CACNA1C: variants seen among roughly 807,000 people sequenced by gnomAD.
CACNA1C encodes the protein voltage-dependent L-type calcium channel subunit alpha-1C.
In CACNA1C, 30 loss-of-function variants were observed where a neutral mutation model predicts 229.0. The observed-to-expected ratio is 0.13, with a 90% CI of 0.10 to 0.18. CACNA1C has a LOEUF of 0.18. Ranked by LOEUF, CACNA1C falls within the 10% of genes least tolerant of loss-of-function variation. The probability of loss-of-function intolerance (pLI) is 1.00; values close to 1 mark genes in which losing one functional copy is unlikely to be tolerated. For synonymous variants in CACNA1C, 1,114 were observed against 1,132.5 expected, an observed-to-expected ratio of 0.98 and a Z score of 0.33; for missense variants, 1,658 against 2,845.0, an observed-to-expected ratio of 0.58 and a Z score of 9.49.
At chr12:2,357,814 T>C (rs1353165402) in intron 3 of CACNA1C, among the ~76,000 whole-genome samples, 6 of 151,374 alleles carry the variant, frequency 4.0e-5, no homozygotes, top group Admixed American at 3.3e-4. Context: ...CTACTAAAAA[T>C]ACAAAAATTA....
At chr12:2,683,004 A>G (rs1350352854) in intron 43 of CACNA1C, among the ~76,000 whole-genome samples, 2 of 149,690 alleles carry the variant, frequency 1.3e-5, no homozygotes, top group Non-Finnish European at 3.0e-5. Context: ...ACACAGTCAT[A>G]AATATATTTT....
At position 2,605,861 on chromosome 12, in the gene CACNA1C, A is replaced by G. The variant is rs2075070285; in HGVS notation, c.3156+75A>G. On this transcript the variant is annotated intron_variant, in intron 24 of 46. Transcript: ENST00000399655. This position sits in a 1 kb window ranked among gnomAD's most constrained non-coding sequence, Gnocchi z 6.2. ...TTCCTGGGGAAGGGAACTGGCAGATATAGTACAAACGAGACAGTGTCCTGA... is the reference window on the plus strand; with the variant it reads ...TTCCTGGGGAAGGGAACTGGCAGATGTAGTACAAACGAGACAGTGTCCTGA... 9.6e-7 allele frequency: 1 copy of G among 1,036,458 alleles called. No homozygotes were observed. The highest frequency in any genetic ancestry group is 1.3e-5 in the South Asian group (1 of 78,714). The allele number at this position is 1,036,458 out of a possible 1,614,324, so 64.2% of individuals were successfully genotyped here.
At chr12:2,025,941 G>A (rs2047253270) in intron 1 of CACNA1C, among the ~76,000 whole-genome samples, 1 of 152,156 alleles carries the variant, frequency 6.6e-6, no homozygotes, top group South Asian at 2.1e-4. Context: ...AACCAAGGGG[G>A]GAAGACATTT....
intron 3 of CACNA1C, among the ~76,000 whole-genome samples, chr12:2,183,062 G>C (rs1034876178): frequency 6.6e-6 from 1 of 151,922 alleles, no homozygotes; most frequent in East Asian, 1.9e-4. Context: ...TAATAGAAAT[G>C]GGGTCTCACT....
chr12:2,649,574 A>T lies in CACNA1C; in HGVS notation c.3945+1067A>T, dbSNP rs216040. Among the ~76,000 whole-genome samples the T allele has an allele frequency of 0.33, 50,325 of 152,026 alleles. 11,115 individuals are homozygous for T. Among genetic ancestry groups the T allele is most frequent in the African/African-American group, 0.64 (26,490 of 41,414 alleles). ...AAATTGGTGCATCCGAATGGCAGTG[A>T]GTTTATTCTCCTTCTCGAGCAGCAT... is the stretch of plus-strand genomic sequence containing the variant. On this transcript the variant is annotated intron_variant, in intron 31 of 46. Coordinates refer to ENST00000399655, the MANE Select transcript of CACNA1C (RefSeq NM_000719.7). The surrounding 1 kb of genome is among the most constrained non-coding windows in gnomAD (Gnocchi z 4.4).
intron 18 of CACNA1C, among the ~76,000 whole-genome samples, chr12:2,588,705 G>T (rs556075741): frequency 3.5e-4 from 53 of 152,274 alleles, no homozygotes; most frequent in Non-Finnish European, 6.3e-4. Context: ...CTCCCAGATC[G>T]GTATACCCTA....
At chr12:2,100,227 C>T (rs1419925621) in intron 1 of CACNA1C, among the ~76,000 whole-genome samples, 1 of 151,928 alleles carries the variant, frequency 6.6e-6, no homozygotes, top group African/African-American at 2.4e-5. Context: ...GGGTGGATCA[C>T]CTGAGGTCAG....
At chr12:2,624,835 G>A (rs1182101157) in intron 29 of CACNA1C, among the ~76,000 whole-genome samples, 1 of 152,244 alleles carries the variant, frequency 6.6e-6, no homozygotes, top group African/African-American at 2.4e-5. Context: ...ACCGTCCACA[G>A]AAATCCCTAG....
At chr12:2,341,758 C>T (rs2096871218) in intron 3 of CACNA1C, among the ~76,000 whole-genome samples, 1 of 152,214 alleles carries the variant, frequency 6.6e-6, no homozygotes, top group Admixed American at 6.5e-5. Flanking sequence ...GACGGACCCT[C>T]ATTCAGGGGT....
intron 3 of CACNA1C, among the ~76,000 whole-genome samples, chr12:2,150,503 C>T (rs926415739): frequency 3.9e-5 from 6 of 152,114 alleles, no homozygotes; most frequent in Non-Finnish European, 8.8e-5. Flanking sequence ...GATATTCCGC[C>T]CTCTTAATTC....
chr12:2,136,787 GGATCAGT>G (rs2093556507), intron 3 of CACNA1C, among the ~76,000 whole-genome samples: 1 of 151,316 alleles, frequency 6.6e-6, no homozygotes, highest in Non-Finnish European at 1.5e-5. Context: ...ATTTTCCCAG[GGATCAGT>G]GATTCATATT....
chr12:2,040,632 T>C (rs1332137927), intron 1 of CACNA1C, among the ~76,000 whole-genome samples: 1 of 152,208 alleles, frequency 6.6e-6, no homozygotes, highest in Non-Finnish European at 1.5e-5. Flanking sequence ...GACCAACTAG[T>C]CTCTTTTTCC....
chr12:2,481,440 AC>A (rs1296997081), intron 5 of CACNA1C, among the ~76,000 whole-genome samples: 1 of 152,212 alleles, frequency 6.6e-6, no homozygotes, highest in Non-Finnish European at 1.5e-5. Context: ...GTCAAGTTGC[AC>A]CCCAGAGGGA....
rs370219132 is a variant in CACNA1C at position 2,604,988 on chromosome 12, G to A, written c.2961-93G>A. On this transcript the variant is annotated intron_variant, in intron 22 of 46. Coordinates refer to ENST00000399655, the MANE Select transcript of CACNA1C (RefSeq NM_000719.7). ...CTTTATGTTTTCTCAGGTTTGCCTC[G>A]GATTCACCTGTCAGGACATTCCCTT... 96 of 930,970 alleles carry A rather than the reference G, an allele frequency of 1.0e-4. 1 individual carries two copies. Among genetic ancestry groups the A allele is most frequent in the African/African-American group, 4.7e-4 (29 of 61,708 alleles). 57.7% of individuals were successfully genotyped at this position (930,970 alleles called of 1,614,324 possible). A position where few individuals can be genotyped will look rare whatever the true frequency, so the allele number is the denominator to read the frequency against.
intron 5 of CACNA1C, among the ~76,000 whole-genome samples, chr12:2,465,571 G>C (rs749148548): frequency 1.2e-4 from 18 of 152,100 alleles, no homozygotes; most frequent in Middle Eastern, 3.2e-3. Flanking sequence ...AGTATGGGTC[G>C]TGAGAGCCAG....
At chr12:2,039,511 G>A (rs1193242168) in intron 1 of CACNA1C, among the ~76,000 whole-genome samples, 2 of 152,210 alleles carry the variant, frequency 1.3e-5, no homozygotes, top group Admixed American at 6.5e-5. Flanking sequence ...CTTACTGTGA[G>A]CCAAGTACTA....
At chr12:2,397,872 T>C (rs1480823139) in intron 3 of CACNA1C, among the ~76,000 whole-genome samples, 2 of 152,250 alleles carry the variant, frequency 1.3e-5, no homozygotes, top group African/African-American at 2.4e-5. Context: ...CAGCTAGCTG[T>C]GGCAGACAGC....
intron 38 of CACNA1C, among the ~76,000 whole-genome samples, chr12:2,673,268 G>A (rs1055056179): frequency 2.6e-5 from 4 of 151,990 alleles, no homozygotes; most frequent in Admixed American, 2.0e-4. Context: ...CTGAGGTTGG[G>A]AGTTCGAGAC....
At position 2,630,037 on chromosome 12, in the gene CACNA1C, G is replaced by C. The variant is rs2089599274; in HGVS notation, c.3829-4260G>C. On this transcript the variant is annotated intron_variant, in intron 29 of 46. Coordinates refer to ENST00000399655, the MANE Select transcript of CACNA1C (RefSeq NM_000719.7). The surrounding 1 kb of genome is among the most constrained non-coding windows in gnomAD (Gnocchi z 5.4). ...GGGATTGGGGGATGGCGAGGGCAAGGCTTCCAGCTGCAAAAACGCTTTCCC... is the reference window on the plus strand; with the variant it reads ...GGGATTGGGGGATGGCGAGGGCAAGCCTTCCAGCTGCAAAAACGCTTTCCC... Among the ~76,000 whole-genome samples, 1 of 152,164 alleles carries C rather than the reference G, an allele frequency of 6.6e-6. No homozygotes were observed. Among genetic ancestry groups the C allele is most frequent in the Admixed American group, 6.5e-5 (1 of 15,288 alleles).
Sources: gnomAD v4.1 joint callset for allele counts (sites outside exome capture counted in the v4.1 genomes callset) on GRCh38, gnomAD v4.1.1 for gene constraint, Gnocchi (gnomAD v3.1) non-coding constraint, MANE v1.5 for transcripts, NCBI Gene and HGNC (gene_info 2026-07-23, HGNC 2026-07-21) for gene names.